PXDNL: variants seen among roughly 807,000 people sequenced by gnomAD.
PXDNL encodes the protein peroxidasin like.
PXDNL carries 145 observed loss-of-function variants against 150.8 expected under a neutral mutation model. The observed-to-expected ratio is 0.96, with a 90% CI of 0.84 to 1.10. The LOEUF (loss-of-function observed/expected upper bound fraction) is 1.10, where lower values mean the gene tolerates loss of function less well. Among genes scored for constraint, PXDNL ranks in the 50% least tolerant of loss-of-function variants. The pLI, the probability that PXDNL is intolerant of heterozygous loss-of-function variation, is 0.00. For synonymous variants in PXDNL, 757 were observed against 725.7 expected, an observed-to-expected ratio of 1.04 and a Z score of -0.69; for missense variants, 2,087 against 1,873.9, an observed-to-expected ratio of 1.11 and a Z score of -2.10.
chr8:51,745,960 T>C (rs1329498580), intron 1 of PXDNL, among the ~76,000 whole-genome samples: 1 of 152,164 alleles, frequency 6.6e-6, no homozygotes, highest in Non-Finnish European at 1.5e-5. Context: ...GGTTTCACCA[T>C]GTTGACCAGG....
intron 1 of PXDNL, among the ~76,000 whole-genome samples, chr8:51,738,612 G>A (rs531714632): frequency 1.3e-4 from 19 of 142,340 alleles, no homozygotes; most frequent in African/African-American, 3.7e-4. Context: ...ACAACTTTAC[G>A]CTCATAAACT....
chr8:51,616,415 C>A (rs1332505148), intron 2 of PXDNL, among the ~76,000 whole-genome samples: 3 of 152,030 alleles, frequency 2.0e-5, no homozygotes, highest in African/African-American at 7.3e-5. Context: ...TTTCTTTGGG[C>A]CAAAAACTAA....
chr8:51,471,433 T>C (rs1484178692), intron 8 of PXDNL, among the ~76,000 whole-genome samples: 2 of 152,208 alleles, frequency 1.3e-5, no homozygotes, highest in African/African-American at 4.8e-5. Flanking sequence ...TGACTAGCCA[T>C]TTAAATAATT....
At chr8:51,768,845 C>T (rs1345039145) in intron 1 of PXDNL, among the ~76,000 whole-genome samples, 3 of 152,310 alleles carry the variant, frequency 2.0e-5, no homozygotes, top group Non-Finnish European at 4.4e-5. Flanking sequence ...CCTGTAATCC[C>T]AGCACTTTGG....
At chr8:51,666,799 C>T (rs1815396851) in intron 1 of PXDNL, among the ~76,000 whole-genome samples, 2 of 152,176 alleles carry the variant, frequency 1.3e-5, no homozygotes, top group African/African-American at 4.8e-5. Context: ...CTATATGCCC[C>T]TCTTGCATGC....
chr8:51,653,049 A>G (rs1815074307), intron 2 of PXDNL, among the ~76,000 whole-genome samples: 1 of 152,070 alleles, frequency 6.6e-6, no homozygotes, highest in Non-Finnish European at 1.5e-5. Flanking sequence ...TCAATGGATA[A>G]AATATTTGAT....
intron 2 of PXDNL, among the ~76,000 whole-genome samples, chr8:51,630,189 A>G (rs892332112): frequency 1.3e-5 from 2 of 152,190 alleles, no homozygotes; most frequent in African/African-American, 4.8e-5. Context: ...GTGGGAAATT[A>G]CTTCCTATTC....
intron 1 of PXDNL, among the ~76,000 whole-genome samples, chr8:51,660,620 T>A (rs1435188464): frequency 2.0e-5 from 3 of 152,104 alleles, no homozygotes; most frequent in Admixed American, 1.3e-4. Flanking sequence ...ATCAACCAGA[T>A]CTGTACCTGG....
intron 6 of PXDNL, 122 bp from the exon 7 acceptor site, chr8:51,475,263 G>A (rs1810447295): frequency 2.2e-6 from 2 of 910,468 alleles, no homozygotes; most frequent in Non-Finnish European, 3.3e-6. Flanking sequence ...TTGACTCCAG[G>A]ATTCTATTAA....
intron 13 of PXDNL, among the ~76,000 whole-genome samples, chr8:51,426,114 T>G (rs533127805): frequency 6.6e-6 from 1 of 152,322 alleles, no homozygotes; most frequent in South Asian, 2.1e-4. Context: ...GATGAAAAAC[T>G]TAAAACAGAA....
intron 3 of PXDNL, among the ~76,000 whole-genome samples, chr8:51,580,382 AC>A (rs1279986855): frequency 6.6e-6 from 1 of 152,180 alleles, no homozygotes; most frequent in Non-Finnish European, 1.5e-5. Context: ...TCAGAATAAA[AC>A]ATTTTATTTA....
In PXDNL at chr8:51,370,045, C is replaced by A. The variant is rs531706037; in HGVS notation, c.3901+1828G>T. ...ACGTGCTACCAGGTGGCGGTGCGCA[C>A]AGAGGAAAGAGCCGAGGCCTTCAGG... is the stretch of plus-strand genomic sequence containing the variant. On this transcript the variant is annotated intron_variant, in intron 19 of 22. Coordinates refer to ENST00000356297, the MANE Select transcript of PXDNL (RefSeq NM_144651.5). 2.0e-5 allele frequency among the ~76,000 whole-genome samples: 3 copies of A among 152,286 alleles called. No homozygotes were observed. The South Asian group carries it at 6.2e-4, about 32-fold the overall frequency.
At chr8:51,445,575 C>T (rs77475755) in intron 12 of PXDNL, among the ~76,000 whole-genome samples, 2,067 of 152,266 alleles carry the variant, frequency 0.014, 42 homozygotes, top group African/African-American at 0.047. Flanking sequence ...GTCGACGAAG[C>T]CTCCATAGGG....
Position 51,349,049 on chromosome 8 carries a change from C to T in PXDNL, c.3902-3102G>A, listed in dbSNP as rs1586021808. 3.9e-5 allele frequency among the ~76,000 whole-genome samples: 6 copies of T among 152,246 alleles called. No homozygotes were observed. The South Asian group carries it at 6.2e-4, about 16-fold the overall frequency. ...ATTTAGATCAGCTTAAATTTCTGGT[C>T]TATGTGTGACATGCGGGTATGAATT... is the stretch of plus-strand genomic sequence containing the variant. On this transcript the variant is annotated intron_variant, in intron 19 of 22. Coordinates refer to ENST00000356297, the MANE Select transcript of PXDNL (RefSeq NM_144651.5).
chr8:51,711,876 T>G (rs1312353358), intron 1 of PXDNL, among the ~76,000 whole-genome samples: 1 of 152,256 alleles, frequency 6.6e-6, no homozygotes, highest in Non-Finnish European at 1.5e-5. Context: ...GCATTTATTG[T>G]TACTGAAACA....
intron 3 of PXDNL, among the ~76,000 whole-genome samples, chr8:51,576,198 C>CAAAAAAAAAAA (rs35166901): frequency 9.1e-6 from 1 of 109,356 alleles, no homozygotes. Context: ...AACACTGCTC[C>CAAAAAAAAAAA]AAAAAAAAAA....
chr8:51,407,978 G>T, intron 17 of PXDNL, 89 bp downstream of exon 17: 2 of 1,183,188 alleles, frequency 1.7e-6, no homozygotes, highest in East Asian at 5.1e-5. Context: ...GCACCCCCAG[G>T]GAACCAAATT....
intron 1 of PXDNL, among the ~76,000 whole-genome samples, chr8:51,730,280 G>C (rs563003542): frequency 1.3e-5 from 2 of 152,140 alleles, no homozygotes; most frequent in African/African-American, 2.4e-5. Context: ...AAATAATAAA[G>C]TCTGCTTTAA....
chr8:51,324,246 T>G (rs1476174154), intron 21 of PXDNL, among the ~76,000 whole-genome samples: 2 of 152,220 alleles, frequency 1.3e-5, no homozygotes, highest in African/African-American at 4.8e-5. Flanking sequence ...TTTTATTTCT[T>G]CCTTTTCAAT....
Sources: allele counts gnomAD v4.1 joint callset (sites outside exome capture counted in the v4.1 genomes callset), GRCh38; gene constraint gnomAD v4.1.1; transcripts MANE v1.5; gene names NCBI Gene and HGNC (gene_info 2026-07-23, HGNC 2026-07-21).